Variants in DLGAP2 observed in about 807,000 individuals in gnomAD.
The protein encoded by DLGAP2 is disks large-associated protein 2.
In DLGAP2, 26 loss-of-function variants were observed where a neutral mutation model predicts 100.3. That is an observed-to-expected ratio of 0.26 (90% CI 0.19 to 0.36). The LOEUF (loss-of-function observed/expected upper bound fraction) is 0.36, where lower values mean the gene tolerates loss of function less well. Ranked by LOEUF, DLGAP2 falls within the 10% of genes least tolerant of loss-of-function variation. DLGAP2 has a pLI of 1.00. For synonymous variants in DLGAP2, 886 were observed against 630.1 expected, an observed-to-expected ratio of 1.41 and a Z score of -6.08; for missense variants, 1,858 against 1,453.2, an observed-to-expected ratio of 1.28 and a Z score of -4.53.
intron 3 of DLGAP2, among the ~76,000 whole-genome samples, chr8:1,377,418 C>T (rs960369277): frequency 2.0e-5 from 3 of 152,228 alleles, no homozygotes; most frequent in Admixed American, 6.5e-5. Flanking sequence ...GTGGCAGGCG[C>T]CTATAGTCGC....
intron 3 of DLGAP2, among the ~76,000 whole-genome samples, chr8:1,389,533 C>A (rs538095474): frequency 6.6e-6 from 1 of 152,130 alleles, no homozygotes; most frequent in African/African-American, 2.4e-5. Context: ...CGAGGCCGCT[C>A]GGTGCAGACC....
intron 3 of DLGAP2, among the ~76,000 whole-genome samples, chr8:1,378,359 G>C (rs897302043): frequency 2.0e-5 from 3 of 150,262 alleles, no homozygotes; most frequent in African/African-American, 7.4e-5. Context: ...TCACCTGTCT[G>C]TCCTGCACAC....
intron 1 of DLGAP2, among the ~76,000 whole-genome samples, chr8:788,408 G>A (rs1247828078): frequency 2.0e-5 from 3 of 152,150 alleles, no homozygotes; most frequent in East Asian, 3.9e-4. Context: ...CCGTGTCCAC[G>A]TGGTCTAGTT....
At chr8:1,312,049 A>G (rs980276746) in intron 3 of DLGAP2, among the ~76,000 whole-genome samples, 10 of 152,340 alleles carry the variant, frequency 6.6e-5, no homozygotes, top group East Asian at 1.9e-4. Flanking sequence ...GATACCATCA[A>G]TCAACTGAAT....
At chr8:955,057 C>A (rs948497039) in intron 2 of DLGAP2, among the ~76,000 whole-genome samples, 1 of 151,856 alleles carries the variant, frequency 6.6e-6, no homozygotes, top group African/African-American at 2.4e-5. Context: ...CCTGTTGTAC[C>A]AATTTGTCTC....
chr8:1,446,407 T>C (rs961299811), intron 3 of DLGAP2, among the ~76,000 whole-genome samples: 9 of 152,196 alleles, frequency 5.9e-5, no homozygotes, highest in African/African-American at 1.2e-4. Flanking sequence ...GTTGTAGATA[T>C]GTGGCATTAT....
At position 826,230 on chromosome 8, in the gene DLGAP2, C is replaced by T. The variant is rs576746595; in HGVS notation, c.19-81682C>T. ...TTTTCTTTATCCATTTGTCTGTGGA[C>T]GGACACTTAGGTGGATTCCAGATCT... On this transcript the variant is annotated intron_variant, in intron 1 of 14. Transcript: ENST00000637795. Among the ~76,000 whole-genome samples, 11 of 152,278 alleles carry T rather than the reference C, an allele frequency of 7.2e-5. No homozygotes were observed. The South Asian group carries it at 8.3e-4, about 11-fold the overall frequency.
intron 6 of DLGAP2, among the ~76,000 whole-genome samples, chr8:1,569,192 GC>G (rs1199055265): frequency 6.6e-6 from 1 of 152,190 alleles, no homozygotes; most frequent in East Asian, 1.9e-4. Flanking sequence ...TCTGCCTATG[GC>G]CCCCATGCCA....
chr8:833,518 T>C (rs1796818778), intron 1 of DLGAP2, among the ~76,000 whole-genome samples: 1 of 151,896 alleles, frequency 6.6e-6, no homozygotes, highest in African/African-American at 2.4e-5. Context: ...GAGGGTGGGG[T>C]GGGGGTGTCT....
intron 3 of DLGAP2, among the ~76,000 whole-genome samples, chr8:1,287,656 GTGTATGGTTC>G (rs1799969462): frequency 7.6e-6 from 1 of 132,072 alleles, no homozygotes; most frequent in African/African-American, 3.0e-5. Context: ...GTGTGTGTGT[GTGTATGGTTC>G]TGTTAGGAGG....
chr8:1,452,865 GTC>G (rs1217259177), intron 3 of DLGAP2, among the ~76,000 whole-genome samples: 12 of 152,182 alleles, frequency 7.9e-5, no homozygotes, highest in Non-Finnish European at 1.3e-4. Context: ...CCATTAAAGA[GTC>G]TCTGTTTTTG....
At chr8:1,288,244 AGT>A (rs1387903625) in intron 3 of DLGAP2, among the ~76,000 whole-genome samples, 19 of 82,394 alleles carry the variant, frequency 2.3e-4, no homozygotes, top group Non-Finnish European at 2.5e-4. Flanking sequence ...GTTTCGTTTC[AGT>A]GTGTGTGTGT....
At chr8:1,242,736 A>G (rs1220721719) in intron 2 of DLGAP2, among the ~76,000 whole-genome samples, 1 of 152,306 alleles carries the variant, frequency 6.6e-6, no homozygotes, top group East Asian at 1.9e-4. Context: ...GGATGTATGT[A>G]TGGACAGATG....
At chr8:1,074,714 T>G (rs1803549302) in intron 2 of DLGAP2, among the ~76,000 whole-genome samples, 1 of 152,236 alleles carries the variant, frequency 6.6e-6, no homozygotes, top group South Asian at 2.1e-4. Context: ...CATTTCCCAC[T>G]CCTCGTCTTT....
intron 3 of DLGAP2, among the ~76,000 whole-genome samples, chr8:1,443,287 C>G (rs1231404559): frequency 1.3e-5 from 2 of 151,606 alleles, no homozygotes; most frequent in Non-Finnish European, 2.9e-5. Flanking sequence ...AGCCTTCCCT[C>G]CACTGCCCAG....
chr8:1,678,678 A>C (rs1291518978), intron 12 of DLGAP2, 49 bp downstream of exon 12: 31 of 1,436,770 alleles, frequency 2.2e-5, no homozygotes, highest in Non-Finnish European at 2.8e-5. Flanking sequence ...TTTCTCAGTA[A>C]TGCAAATATG....
intron 2 of DLGAP2, among the ~76,000 whole-genome samples, chr8:1,217,592 G>T (rs1798239050): frequency 6.6e-6 from 1 of 151,964 alleles, no homozygotes; most frequent in Non-Finnish European, 1.5e-5. Context: ...TAGCAGTTTT[G>T]TAATTCTCAT....
At position 1,213,053 on chromosome 8, in the gene DLGAP2, A is replaced by T. The variant is rs75110920; in HGVS notation, c.74-45798A>T. ...TCTCATGATGAGAATTTGGGAGGCC[A>T]CAGAACGGTGAGTATCCAGCATCTT... On this transcript the variant is annotated intron_variant, in intron 2 of 14. Coordinates refer to ENST00000637795, the MANE Select transcript of DLGAP2 (RefSeq NM_001346810.2). Among the ~76,000 whole-genome samples the T allele has an allele frequency of 2.6e-5, 4 of 152,268 alleles. No homozygotes were observed. The East Asian group carries it at 7.7e-4, about 29-fold the overall frequency.
intron 1 of DLGAP2, among the ~76,000 whole-genome samples, chr8:801,970 T>C (rs113078799): frequency 0.035 from 2,251 of 64,868 alleles, 42 homozygotes; most frequent in Middle Eastern, 0.077. Flanking sequence ...GGGAACGGTC[T>C]GCACCCCTCC....
Sources: gnomAD v4.1 joint callset for allele counts (sites outside exome capture counted in the v4.1 genomes callset) on GRCh38, gnomAD v4.1.1 for gene constraint, MANE v1.5 for transcripts, NCBI Gene and HGNC (gene_info 2026-07-23, HGNC 2026-07-21) for gene names.